ATAD5: variants seen among roughly 807,000 people sequenced by gnomAD.
The protein encoded by ATAD5 is ATPase family AAA domain containing 5, also known as ATPase family AAA domain-containing protein 5.
ATAD5 carries 58 observed loss-of-function variants against 176.9 expected under a neutral mutation model. The ratio of observed to expected loss-of-function variants is 0.33; its 90% CI spans 0.27 to 0.41. The LOEUF (loss-of-function observed/expected upper bound fraction) is 0.41. Among genes scored for constraint, ATAD5 ranks in the 10% least tolerant of loss-of-function variants. ATAD5 has a pLI of 1.00. For missense variants in ATAD5, 1,789 were observed against 2,094.1 expected, an observed-to-expected ratio of 0.85 and a Z score of 2.84; for synonymous variants, 640 against 712.6, an observed-to-expected ratio of 0.90 and a Z score of 1.62.
chr17:30,843,403 C>T (rs576284896), intron 4 of ATAD5, among the ~76,000 whole-genome samples: 62 of 151,428 alleles, frequency 4.1e-4, no homozygotes, highest in Admixed American at 1.2e-3. Context: ...CTGTAATCCC[C>T]GCACTTTGAG....
chr17:30,887,542 C>T (rs1567699893), intron 19 of ATAD5, among the ~76,000 whole-genome samples, 170 bp downstream of exon 19: 1 of 152,086 alleles, frequency 6.6e-6, no homozygotes, highest in Non-Finnish European at 1.5e-5. Flanking sequence ...CATAGTGAGA[C>T]CCCTGTCTCT....
rs190706169 is a variant in ATAD5, at chr17:30,873,375, T to C, written c.3608-2999T>C. Among the ~76,000 whole-genome samples, 43 of 150,088 alleles carry C rather than the reference T, an allele frequency of 2.9e-4. No homozygotes were observed. In the East Asian group the frequency reaches 6.5e-3, roughly 23 times the overall value. On this transcript the variant is annotated intron_variant, in intron 14 of 22. Coordinates refer to ENST00000321990, the MANE Select transcript of ATAD5 (RefSeq NM_024857.5). ...GCTCTGTCACGAGGCTGGAGTGCAGTGGTGTGATCTTGGCTCACTGCAACC... is the reference window on the plus strand; with the variant it reads ...GCTCTGTCACGAGGCTGGAGTGCAGCGGTGTGATCTTGGCTCACTGCAACC...
chr17:30,877,166 T>C lies in ATAD5; in HGVS notation c.3785-250T>C, dbSNP rs192589466. Among the ~76,000 whole-genome samples, 144 of 152,122 alleles carry C rather than the reference T, an allele frequency of 9.5e-4. 1 individual carries two copies. Among genetic ancestry groups the C allele is most frequent in the Non-Finnish European group, 1.5e-3 (99 of 67,984 alleles). On this transcript the variant is annotated intron_variant, in intron 15 of 22. Coordinates refer to ENST00000321990, the MANE Select transcript of ATAD5 (RefSeq NM_024857.5). Reference sequence around the variant, plus strand: ...CCGTGTAGCTGAGATTACAGGTGTGTGCCACCACACCCAGCTAATTTTTGT... The same window carrying C: ...CCGTGTAGCTGAGATTACAGGTGTGCGCCACCACACCCAGCTAATTTTTGT...
intron 14 of ATAD5, among the ~76,000 whole-genome samples, chr17:30,872,535 CT>C (rs59593075): frequency 0.16 from 15,314 of 97,990 alleles, 912 homozygotes; most frequent in South Asian, 0.31. Flanking sequence ...GTTTCTTTTT[CT>C]TTTTTTTTTT....
chr17:30,861,630 GCCT>G (rs1313269956), intron 10 of ATAD5, among the ~76,000 whole-genome samples: 5 of 151,972 alleles, frequency 3.3e-5, no homozygotes, highest in Admixed American at 6.6e-5. Flanking sequence ...TCCTGCCTCA[GCCT>G]CCTCAGTAGC....
chr17:30,894,763 C>A, intron 22 of ATAD5, 41 bp downstream of exon 22: 4 of 1,564,040 alleles, frequency 2.6e-6, no homozygotes, highest in Non-Finnish European at 3.5e-6. Context: ...ATAGCTTTTT[C>A]AAGATTAATA....
At position 30,859,237 on chromosome 17, in the gene ATAD5, T is replaced by C. The variant is rs552560280; in HGVS notation, c.2956+914T>C. The stretch of plus-strand genomic sequence containing the variant: ...TAGCTTTAATTATGTTAAAATATTA[T>C]GTACTTAAGGAATGCCTTAGATAAT... On this transcript the variant is annotated intron_variant, in intron 9 of 22. Transcript: ENST00000321990. 3.9e-5 allele frequency among the ~76,000 whole-genome samples: 6 copies of C among 152,368 alleles called. 1 individual carries two copies. In the South Asian group the frequency reaches 1.0e-3, roughly 26 times the overall value.
intron 11 of ATAD5, among the ~76,000 whole-genome samples, chr17:30,866,454 C>A (rs2142390051): frequency 6.7e-6 from 1 of 150,078 alleles, no homozygotes; most frequent in Non-Finnish European, 1.5e-5. Flanking sequence ...CCTTGGCCTC[C>A]TAAAGTGCTG....
At chr17:30,841,669 C>T (rs551214234) in intron 4 of ATAD5, among the ~76,000 whole-genome samples, 1 of 152,296 alleles carries the variant, frequency 6.6e-6, no homozygotes, top group East Asian at 1.9e-4. Context: ...CCATAGCTAA[C>T]TACTAACCTG....
Position 30,893,406 on chromosome 17 carries a change from C to T in ATAD5, c.4553C>T (p.Pro1518Leu). ...YSNLEFILPLPVDTIPETKNF... is the reference protein window; with the variant it reads ...YSNLEFILPLLVDTIPETKNF... ...AATCTTGAGTTTATTCTACCATTAC[C>T]AGTTGATACCATTCCAGAAACTAAA... is the stretch of plus-strand genomic sequence containing the variant. Residue 1518 changes from proline to leucine, a missense_variant, in exon 21 of 23, where the codon CCA becomes CTA. Around this residue, in one of 6 missense-constraint regions of ATAD5, gnomAD observed 403 missense variants for 495.1 expected, o/e 0.81. Coordinates refer to ENST00000321990, the MANE Select transcript of ATAD5 (RefSeq NM_024857.5). 1 of 1,612,702 alleles carries T rather than the reference C, an allele frequency of 6.2e-7. No homozygotes were observed. The highest frequency in any genetic ancestry group is 1.3e-5 in the African/African-American group (1 of 74,984).
rs1254529193 is a variant in ATAD5 at position 30,868,498 on chromosome 17, T to C, written c.3313+86T>C. 7 of 745,802 alleles carry C rather than the reference T, an allele frequency of 9.4e-6. No homozygotes were observed. The Admixed American group carries it at 2.6e-4, about 28-fold the overall frequency. 46.2% of individuals were successfully genotyped at this position (745,802 alleles called of 1,614,324 possible). The stretch of plus-strand genomic sequence containing the variant: ...TAACTAAAACTTTCTATAAAATTTC[T>C]TTTTTTTTTAATTTTTTTTTTTTTT... On this transcript the variant is annotated intron_variant, in intron 12 of 22. Transcript: ENST00000321990.
chr17:30,844,950 A>G (rs370536861), intron 6 of ATAD5, 34 bp downstream of exon 6: 79 of 1,481,056 alleles, frequency 5.3e-5, no homozygotes, highest in Non-Finnish European at 5.9e-5. Context: ...ATGCCAAAAT[A>G]TTTTATAGAA....
chr17:30,841,125 T>C (rs1906087316), intron 4 of ATAD5, among the ~76,000 whole-genome samples: 1 of 152,042 alleles, frequency 6.6e-6, no homozygotes, highest in Non-Finnish European at 1.5e-5. Flanking sequence ...TTCTCCTGCC[T>C]CGGCCTCCCA....
rs775055653 is a variant in ATAD5 at position 30,873,689 on chromosome 17, CTTTTTTT to C, written c.3608-2674_3608-2668del. On this transcript the variant is annotated intron_variant, in intron 14 of 22. Transcript: ENST00000321990. ...CAGAGTATCTTAAAATAAAAATTGC[CTTTTTTT>C]TTTTTTTTTTGAAAAGACGGGGTCT... 8.5e-5 allele frequency among the ~76,000 whole-genome samples: 11 copies of C among 129,588 alleles called. No individual in the cohort carries two copies. In the South Asian group the frequency reaches 2.7e-3, roughly 31 times the overall value. The allele number at this position is 129,588 out of a possible 152,430, so 85.0% of individuals were successfully genotyped here. A position where few individuals can be genotyped will look rare whatever the true frequency, so the allele number is the denominator to read the frequency against.
At chr17:30,861,616 A>G (rs896747094) in intron 10 of ATAD5, among the ~76,000 whole-genome samples, 8 of 151,914 alleles carry the variant, frequency 5.3e-5, no homozygotes, top group African/African-American at 1.9e-4. Context: ...GGTTCAAGTG[A>G]TTCTCCTGCC....
Position 30,894,549 on chromosome 17 carries a change from G to A in ATAD5, c.5298-15G>A. ...TTGGGCATTAAAAATTAAAAACAATGCATTACTTTTACAGCAATGCTTGGA... is the reference window on the plus strand; with the variant it reads ...TTGGGCATTAAAAATTAAAAACAATACATTACTTTTACAGCAATGCTTGGA... On this transcript the variant is annotated splice_polypyrimidine_tract_variant and intron_variant, in intron 21 of 22. Coordinates refer to ENST00000321990, the MANE Select transcript of ATAD5 (RefSeq NM_024857.5). The A allele has an allele frequency of 6.3e-7, 1 of 1,588,124 alleles. No individual in the cohort carries two copies. Among genetic ancestry groups the A allele is most frequent in the Non-Finnish European group, 8.5e-7 (1 of 1,171,598 alleles).
intron 1 of ATAD5, 130 bp from the exon 2 acceptor site, chr17:30,834,018 T>C (rs1397274045): frequency 1.3e-6 from 1 of 767,270 alleles, no homozygotes; most frequent in East Asian, 3.2e-5. Flanking sequence ...TTCTAATATA[T>C]CACGTTTTTC....
intron 18 of ATAD5, among the ~76,000 whole-genome samples, chr17:30,886,849 A>C (rs2142444327): frequency 6.6e-6 from 1 of 152,250 alleles, no homozygotes; most frequent in South Asian, 2.1e-4. Flanking sequence ...TCATATTTAT[A>C]ATTTTGTTGT....
intron 11 of ATAD5, among the ~76,000 whole-genome samples, chr17:30,866,045 A>G (rs1907955504): frequency 6.6e-6 from 1 of 152,120 alleles, no homozygotes; most frequent in South Asian, 2.1e-4. Flanking sequence ...CCTTTCTAAC[A>G]AATGGGATCA....
Sources: allele counts gnomAD v4.1 joint callset (sites outside exome capture counted in the v4.1 genomes callset), GRCh38; gene constraint gnomAD v4.1.1; regional missense constraint gnomAD v4.1.1; transcripts MANE v1.5; gene names NCBI Gene and HGNC (gene_info 2026-07-23, HGNC 2026-07-21).